Variants in NT5DC3 observed in about 807,000 individuals in gnomAD.
NT5DC3 encodes the protein 5'-nucleotidase domain containing 3.
NT5DC3 carries 42 observed loss-of-function variants against 67.8 expected under a neutral mutation model. The ratio of observed to expected loss-of-function variants is 0.62; its 90% CI spans 0.48 to 0.80. The LOEUF is 0.80. NT5DC3 is among the 30% of genes least tolerant of loss of function. NT5DC3 has a pLI of 0.00. For missense variants in NT5DC3, 570 were observed against 696.4 expected, an observed-to-expected ratio of 0.82 and a Z score of 2.04; for synonymous variants, 237 against 255.6, an observed-to-expected ratio of 0.93 and a Z score of 0.69.
chr12:103,831,746 T>C (rs1490146292), intron 1 of NT5DC3, among the ~76,000 whole-genome samples: 1 of 149,888 alleles, frequency 6.7e-6, no homozygotes, highest in Non-Finnish European at 1.5e-5. Flanking sequence ...TCAAGGCTGG[T>C]CATCATTCGG....
downstream of NT5DC3, among the ~76,000 whole-genome samples, chr12:103,771,661 G>A (rs139695707): frequency 3.9e-4 from 59 of 152,342 alleles, 1 homozygote; most frequent in African/African-American, 1.3e-3. Flanking sequence ...CACTGGGGAC[G>A]GAGGGAAAGG....
chr12:103,804,151 A>G (rs966638421), intron 4 of NT5DC3, among the ~76,000 whole-genome samples: 4 of 152,194 alleles, frequency 2.6e-5, no homozygotes, highest in African/African-American at 9.7e-5. Context: ...GCTATTAGTA[A>G]TATTATTACC....
the NT5DC3 span, among the ~76,000 whole-genome samples, chr12:103,752,088 C>T: frequency 6.6e-6 from 1 of 152,158 alleles, no homozygotes. Context: ...CCTGATGGTT[C>T]CGTTTCCAGG....
At chr12:103,832,429 G>T (rs1017087765) in intron 1 of NT5DC3, among the ~76,000 whole-genome samples, 1 of 152,066 alleles carries the variant, frequency 6.6e-6, no homozygotes, top group Admixed American at 6.6e-5. Flanking sequence ...AGGTGATTCC[G>T]ATGTGCCTAT....
intron 1 of NT5DC3, among the ~76,000 whole-genome samples, chr12:103,836,658 GTTTTCCT>G (rs1205762396): frequency 6.7e-6 from 1 of 150,234 alleles, no homozygotes; most frequent in Non-Finnish European, 1.5e-5. Flanking sequence ...CAATTGGAAT[GTTTTCCT>G]TTTTCCTTTT....
chr12:103,797,020 T>A lies in NT5DC3; in HGVS notation c.627A>T (p.Gly209=). 6.2e-7 allele frequency: 1 copy of A among 1,614,152 alleles called. No individual in the cohort carries two copies. The highest frequency in any genetic ancestry group is 1.1e-5 in the South Asian group (1 of 91,074). The change falls in exon 6 of 14, where the codon GGA becomes GGT. Residue 209 remains glycine, a synonymous_variant. Transcript: ENST00000392876. ...TGTCCATGAACTGCTTCATCGTGTT[T>A]CCATGAGAGCTCTGCAGACAGGGTG... ...MSDFYGKSSH[G]NTMKQFMDIF... is the part of the protein sequence containing the mutation.
intron 1 of NT5DC3, among the ~76,000 whole-genome samples, chr12:103,825,765 C>T (rs1427800138): frequency 1.3e-5 from 2 of 152,164 alleles, no homozygotes; most frequent in Non-Finnish European, 2.9e-5. Flanking sequence ...CAGAGCAAGA[C>T]CCTATCGAAG....
chr12:103,767,188 C>T (rs1483655308), downstream of NT5DC3, among the ~76,000 whole-genome samples: 2 of 152,198 alleles, frequency 1.3e-5, no homozygotes, highest in Non-Finnish European at 2.9e-5. Flanking sequence ...ACTCGAATGT[C>T]CATCAGCTGA....
At chr12:103,755,643 G>A in the NT5DC3 span, 1 of 1,614,154 alleles carries the variant, frequency 6.2e-7, no homozygotes, top group Non-Finnish European at 8.5e-7. Flanking sequence ...TGGGCTATGT[G>A]GGAGATGGCT....
chr12:103,778,087 G>A lies in NT5DC3; in HGVS notation c.1395-6C>T. On this transcript the variant is annotated splice_region_variant and splice_polypyrimidine_tract_variant and intron_variant, in intron 13 of 13. Coordinates refer to ENST00000392876, the MANE Select transcript of NT5DC3 (RefSeq NM_001031701.3). The stretch of plus-strand genomic sequence containing the variant: ...AGAAACTCTTGGTCATTTCTCTGAA[G>A]AGGCAATAAAAAAGCAAAGCAACAG... 1 of 1,592,748 alleles carries A rather than the reference G, an allele frequency of 6.3e-7. No homozygotes were observed. The highest frequency in any genetic ancestry group is 1.8e-5 in the Admixed American group (1 of 56,710).
downstream of NT5DC3, among the ~76,000 whole-genome samples, chr12:103,769,955 A>T (rs1385278291): frequency 6.6e-6 from 1 of 152,328 alleles, no homozygotes; most frequent in South Asian, 2.1e-4. Flanking sequence ...AATGCGAAGG[A>T]TTGGGGCAGG....
chr12:103,748,098 G>A, the NT5DC3 span, among the ~76,000 whole-genome samples: 1 of 151,806 alleles, frequency 6.6e-6, no homozygotes, highest in Non-Finnish European at 1.5e-5. Flanking sequence ...TATTTTTCAT[G>A]GATAAATATT....
chr12:103,746,666 G>A, the NT5DC3 span: 2 of 1,614,092 alleles, frequency 1.2e-6, no homozygotes, highest in Non-Finnish European at 1.7e-6. Context: ...ACGTGTGAGT[G>A]TAACCTGGAT....
chr12:103,746,881 C>T, the NT5DC3 span, among the ~76,000 whole-genome samples: 1 of 152,112 alleles, frequency 6.6e-6, no homozygotes, highest in African/African-American at 2.4e-5. Context: ...ATCTGCTCAC[C>T]CTCTAGGTCA....
the NT5DC3 span, among the ~76,000 whole-genome samples, chr12:103,757,617 CAG>C: frequency 3.3e-5 from 5 of 152,120 alleles, no homozygotes; most frequent in East Asian, 3.9e-4. Flanking sequence ...AAAGTGTAAA[CAG>C]GGGAGAGGGA....
intron 1 of NT5DC3, among the ~76,000 whole-genome samples, chr12:103,818,794 A>C (rs544896823): frequency 6.6e-6 from 1 of 152,366 alleles, no homozygotes; most frequent in East Asian, 1.9e-4. Context: ...AGAAGCTGGC[A>C]GACCTAAGCT....
At chr12:103,748,012 AAAGGG>A in the NT5DC3 span, among the ~76,000 whole-genome samples, 3 of 147,884 alleles carry the variant, frequency 2.0e-5, no homozygotes, top group Non-Finnish European at 4.5e-5. Flanking sequence ...AAAAAAAAAA[AAAGGG>A]AAGAAGAAGA....
chr12:103,767,162 C>CA (rs932463884), downstream of NT5DC3, among the ~76,000 whole-genome samples: 4 of 151,602 alleles, frequency 2.6e-5, no homozygotes, highest in Non-Finnish European at 4.4e-5. Context: ...TCATAAAAGC[C>CA]AAAAAAATGG....
At chr12:103,761,282 C>G in the NT5DC3 span, 76 of 1,611,192 alleles carry the variant, frequency 4.7e-5, no homozygotes, top group Non-Finnish European at 6.1e-5. Context: ...GCCATCAACC[C>G]TCTTCTCATT....
Sources: allele counts gnomAD v4.1 joint callset (sites outside exome capture counted in the v4.1 genomes callset), GRCh38; gene constraint gnomAD v4.1.1; transcripts MANE v1.5; gene names NCBI Gene and HGNC (gene_info 2026-07-23, HGNC 2026-07-21).